Variants in CORO1B observed in about 807,000 individuals in gnomAD.
The protein encoded by CORO1B is coronin 1B, also known as coronin-1B.
Under a neutral mutation model 51.1 loss-of-function variants are expected in CORO1B, and 30 were observed. The ratio of observed to expected loss-of-function variants is 0.59; its 90% confidence interval spans 0.44 to 0.80. The LOEUF (loss-of-function observed/expected upper bound fraction) is 0.80. CORO1B is among the 30% of genes least tolerant of loss of function. The pLI is 0.00. For synonymous variants in CORO1B, 310 were observed against 289.7 expected, an observed-to-expected ratio of 1.07 and a Z score of -0.71; for missense variants, 648 against 700.4, an observed-to-expected ratio of 0.93 and a Z score of 0.84.
chr11:67,436,050 T>C lies in CORO1B; in HGVS notation c.*2326A>G. 1 of 1,613,462 alleles carries C rather than the reference T, an allele frequency of 6.2e-7. No homozygotes were observed. Among genetic ancestry groups the C allele is most frequent in the Non-Finnish European group, 8.5e-7 (1 of 1,179,836 alleles). ...TCATCCTCCTGTCGCTCAAGGTCAT[T>C]GTCTGTGGACCCCAGCTCAGCTCGG... On this transcript the variant is annotated 3_prime_UTR_variant, in exon 11 of 11. Transcript: ENST00000341356.
At chr11:67,441,002 C>T in intron 6 of CORO1B, 123 bp downstream of exon 6, 1 of 1,463,112 alleles carries the variant, frequency 6.8e-7, no homozygotes, top group Non-Finnish European at 9.4e-7. Context: ...GTCCTAGGCC[C>T]TGAGAGCCTC....
intron 9 of CORO1B, 49 bp downstream of exon 9, chr11:67,439,737 C>T (rs1281815950): frequency 3.2e-6 from 5 of 1,543,986 alleles, no homozygotes; most frequent in Middle Eastern, 1.7e-4. Flanking sequence ...ACTGCATGGC[C>T]CGCTTGCTGG....
Position 67,440,989 on chromosome 11 carries a change from A to G in CORO1B, c.756+136T>C, listed in dbSNP as rs568361614. 1.5e-3 allele frequency: 1,980 copies of G among 1,319,866 alleles called. 7 individuals carry two copies. Among genetic ancestry groups the G allele is most frequent in the South Asian group, 7.8e-3 (634 of 81,606 alleles). The allele number at this position is 1,319,866 out of a possible 1,614,324, so 81.8% of individuals were successfully genotyped here. On this transcript the variant is annotated intron_variant, in intron 6 of 10. Coordinates refer to ENST00000341356, the MANE Select transcript of CORO1B (RefSeq NM_020441.3). The stretch of plus-strand genomic sequence containing the variant: ...AGGGGGCAGGAGAGGAAAGTCTGAC[A>G]GAGTCCTAGGCCCTGAGAGCCTCAA...
At position 67,443,433 on chromosome 11, in the gene CORO1B, G is replaced by C; in HGVS notation, c.-32C>G. On this transcript the variant is annotated 5_prime_UTR_variant, in exon 1 of 11. Transcript: ENST00000341356. Reference sequence around the variant, plus strand: ...GGCACCGGGGGCGCAGGGGGCTGCGGCACCGGCTTCGGGCGGCTCCGGATC... The same window carrying C: ...GGCACCGGGGGCGCAGGGGGCTGCGCCACCGGCTTCGGGCGGCTCCGGATC... 2.0e-6 allele frequency: 2 copies of C among 985,384 alleles called. No individual in the cohort carries two copies. The highest frequency in any genetic ancestry group is 2.4e-6 in the Non-Finnish European group (2 of 829,306). 61.0% of individuals were successfully genotyped at this position (985,384 alleles called of 1,614,324 possible).
rs552458727 is a variant in CORO1B, at chr11:67,440,028, G to A, written c.1007+90C>T. ...TCATGGCCCGCCGGGCCTCCCTGGC[G>A]CAAGGTTTCCTGCTCCCAAGCAGCC... On this transcript the variant is annotated intron_variant, in intron 8 of 10. Transcript: ENST00000341356. 28 of 1,522,616 alleles carry A rather than the reference G, an allele frequency of 1.8e-5. No individual in the cohort carries two copies. In the South Asian group the frequency reaches 2.1e-4, roughly 12 times the overall value. 94.3% of individuals were successfully genotyped at this position (1,522,616 alleles called of 1,614,324 possible).
At position 67,436,847 on chromosome 11, in the gene CORO1B, A is replaced by AC. The variant is rs1240199573; in HGVS notation, c.*1528dup. 1.3e-5 allele frequency: 2 copies of AC among 154,606 alleles called. No homozygotes were observed. The highest frequency in any genetic ancestry group is 6.5e-5 in the Admixed American group (1 of 15,376). The allele number at this position is 154,606 out of a possible 1,614,324, so 9.6% of individuals were successfully genotyped here. On this transcript the variant is annotated 3_prime_UTR_variant, in exon 11 of 11. Transcript: ENST00000341356. ...ATTTTTTATGTCTATTGTCTTATCT[A>AC]CCCCCCACAATAAGCTGCTAGGAAA...
chr11:67,440,971 AG>A, intron 6 of CORO1B, 153 bp downstream of exon 6: 1 of 1,067,654 alleles, frequency 9.4e-7, no homozygotes, highest in African/African-American at 1.6e-5. Context: ...AGCAGGGGGC[AG>A]GAGAGGAAAG....
chr11:67,442,567 T>C lies in CORO1B; in HGVS notation c.62A>G (p.Lys21Arg), dbSNP rs777200383. The change falls in exon 2 of 11, where the codon AAG becomes AGG. Residue 21 changes from lysine (K) to arginine (R), a missense_variant. Coordinates refer to ENST00000341356, the MANE Select transcript of CORO1B (RefSeq NM_020441.3). ...KFRHVFGQPV[K>R]NDQCYEDIRV... ...AATGTCCTCATAGCACTGGTCGTTC[T>C]TGACCGGCTGCCCGAACACATGCCG... is the stretch of plus-strand genomic sequence containing the variant. The C allele has an allele frequency of 6.8e-6, 11 of 1,613,736 alleles. No individual in the cohort carries two copies. The highest frequency in any genetic ancestry group is 8.5e-6 in the Non-Finnish European group (10 of 1,180,024).
At chr11:67,438,533 G>C in intron 10 of CORO1B, 32 bp from the exon 11 acceptor site, 5 of 1,587,258 alleles carry the variant, frequency 3.2e-6, no homozygotes, top group Admixed American at 1.7e-5. Flanking sequence ...GTAGGGGGCG[G>C]TGGTCAGGGG....
chr11:67,435,811 G>C lies in CORO1B; in HGVS notation c.*2565C>G. 1 of 1,602,324 alleles carries C rather than the reference G, an allele frequency of 6.2e-7. No homozygotes were observed. Among genetic ancestry groups the C allele is most frequent in the Non-Finnish European group, 8.5e-7 (1 of 1,175,714 alleles). On this transcript the variant is annotated 3_prime_UTR_variant, in exon 11 of 11. Coordinates refer to ENST00000341356, the MANE Select transcript of CORO1B (RefSeq NM_020441.3). The stretch of plus-strand genomic sequence containing the variant: ...CCCAGGCTGCGCTGCCAGCAAAGGC[G>C]TGCAGGTCACTCAGCAGGGCCTCAG...
chr11:67,441,662 C>G (rs777813371), intron 4 of CORO1B, 71 bp downstream of exon 4: 1 of 1,491,230 alleles, frequency 6.7e-7, no homozygotes, highest in African/African-American at 1.6e-5. Flanking sequence ...CATGTGGGCC[C>G]TGGAGGGGCT....
At chr11:67,441,006 G>T in intron 6 of CORO1B, 119 bp downstream of exon 6, 1 of 1,478,226 alleles carries the variant, frequency 6.8e-7, no homozygotes, top group South Asian at 1.1e-5. Context: ...TAGGCCCTGA[G>T]AGCCTCAAGT....
rs781488676 is a variant in CORO1B at position 67,440,103 on chromosome 11, C to CG, written c.1007+14dup. 6.2e-7 allele frequency: 1 copy of CG among 1,602,428 alleles called. No individual in the cohort carries two copies. The highest frequency in any genetic ancestry group is 1.3e-5 in the African/African-American group (1 of 74,876). The stretch of plus-strand genomic sequence containing the variant: ...AGATGCCCCTATCCCCGAGTGGCCT[C>CG]GGTAGCCCTCTTACCGGGCGATCTC... On this transcript the variant is annotated intron_variant, in intron 8 of 10. Transcript: ENST00000341356.
chr11:67,440,527 C>G (rs1306516655), intron 6 of CORO1B, 88 bp from the exon 7 acceptor site: 1 of 1,181,086 alleles, frequency 8.5e-7, no homozygotes, highest in Non-Finnish European at 1.2e-6. Context: ...CTCACTAAGG[C>G]CAGCCAGCAC....
At position 67,437,485 on chromosome 11, in the gene CORO1B, C is replaced by G; in HGVS notation, c.*891G>C. 1 of 1,100,156 alleles carries G rather than the reference C, an allele frequency of 9.1e-7. No homozygotes were observed. The highest frequency in any genetic ancestry group is 2.2e-4 in the Middle Eastern group (1 of 4,536). The allele number at this position is 1,100,156 out of a possible 1,614,324, so 68.1% of individuals were successfully genotyped here. Reference sequence around the variant, plus strand: ...AGGTGAGAGAAAGGTTCAGCCTCTGCCATACTCCTCTTAGGTCTCACCTCT... The same window carrying G: ...AGGTGAGAGAAAGGTTCAGCCTCTGGCATACTCCTCTTAGGTCTCACCTCT... On this transcript the variant is annotated 3_prime_UTR_variant, in exon 11 of 11. Coordinates refer to ENST00000341356, the MANE Select transcript of CORO1B (RefSeq NM_020441.3).
intron 2 of CORO1B, 105 bp from the exon 3 acceptor site, chr11:67,442,193 C>T: frequency 6.5e-7 from 1 of 1,545,122 alleles, no homozygotes; most frequent in Non-Finnish European, 8.8e-7. Context: ...ACAGGTGGCC[C>T]AGATGTGACT....
rs759083840 is a variant in CORO1B, at chr11:67,439,883, G to GC, written c.1008-41dup. On this transcript the variant is annotated intron_variant, in intron 8 of 10. Coordinates refer to ENST00000341356, the MANE Select transcript of CORO1B (RefSeq NM_020441.3). ...AGGAGCCACGGGTGGAACCCTCACC[G>GC]CCCCCCCCACCCACCGCCAGCTCTC... 3.8e-4 allele frequency: 570 copies of GC among 1,508,108 alleles called. 1 individual carries two copies. Among genetic ancestry groups the GC allele is most frequent in the Middle Eastern group, 5.4e-4 (3 of 5,570 alleles). The allele number at this position is 1,508,108 out of a possible 1,614,324, so 93.4% of individuals were successfully genotyped here.
At position 67,436,024 on chromosome 11, in the gene CORO1B, C is replaced by G. The variant is rs754602398; in HGVS notation, c.*2352G>C. On this transcript the variant is annotated 3_prime_UTR_variant, in exon 11 of 11. Transcript: ENST00000341356. ...CGACGTGGTCATAGTCTGTGTCCTG[C>G]TCATCCTCCTGTCGCTCAAGGTCAT... 1.9e-5 allele frequency: 30 copies of G among 1,613,590 alleles called. No homozygotes were observed. In the South Asian group the frequency reaches 3.0e-4, roughly 16 times the overall value.
At chr11:67,439,123 T>C (rs1180342621) in intron 9 of CORO1B, among the ~76,000 whole-genome samples, 174 bp from the exon 10 acceptor site, 1 of 152,224 alleles carries the variant, frequency 6.6e-6, no homozygotes, top group Non-Finnish European at 1.5e-5. Flanking sequence ...CCTCGGAAGC[T>C]TTCCCACCCT....
Sources: gnomAD v4.1 joint callset for allele counts (sites outside exome capture counted in the v4.1 genomes callset) on GRCh38, gnomAD v4.1.1 for gene constraint, MANE v1.5 for transcripts, NCBI Gene and HGNC (gene_info 2026-07-23, HGNC 2026-07-21) for gene names.